The following NXPE2 variants were observed in gnomAD, a reference collection of about 807,000 sequenced individuals.
NXPE2 encodes NXPE family member 2.
NXPE2 carries 34 observed loss-of-function variants against 34.4 expected under a neutral mutation model. The observed-to-expected ratio is 0.99, with a 90% CI of 0.75 to 1.31. The LOEUF (loss-of-function observed/expected upper bound fraction) is 1.31, where lower values mean the gene tolerates loss of function less well. Among genes scored for constraint, NXPE2 ranks in the 40% most tolerant of loss-of-function variants. NXPE2 has a pLI of 0.00. For synonymous variants in NXPE2, 235 were observed against 231.3 expected, an observed-to-expected ratio of 1.02 and a Z score of -0.15; for missense variants, 649 against 672.5, an observed-to-expected ratio of 0.97 and a Z score of 0.39.
the NXPE2 span, among the ~76,000 whole-genome samples, chr11:114,545,832 G>C: frequency 1.3e-5 from 2 of 151,864 alleles, no homozygotes; most frequent in Admixed American, 6.6e-5. Flanking sequence ...GGGACTACAG[G>C]GGCACACCAC....
At chr11:114,584,623 T>C in the NXPE2 span, 1 of 157,200 alleles carries the variant, frequency 6.4e-6, no homozygotes, top group Non-Finnish European at 1.4e-5. Context: ...TGAAGAAATG[T>C]CACAGAAGAG....
At chr11:114,513,867 A>ATT in the NXPE2 span, among the ~76,000 whole-genome samples, 4 of 140,026 alleles carry the variant, frequency 2.9e-5, no homozygotes, top group African/African-American at 1.2e-4. Context: ...AAATGCAAAG[A>ATT]CTTTTTGTAA....
chr11:114,580,000 TGTGAAAAATTTTGG>T, the NXPE2 span: 1 of 730,696 alleles, frequency 1.4e-6, no homozygotes, highest in Non-Finnish European at 2.4e-6. Flanking sequence ...AACAATGCCT[TGTGAAAAATTTTGG>T]TGTGTTGTGA....
the NXPE2 span, among the ~76,000 whole-genome samples, chr11:114,784,504 T>C: frequency 6.3e-4 from 96 of 152,322 alleles, no homozygotes; most frequent in Middle Eastern, 6.8e-3. Context: ...AATCTTTATA[T>C]GGATCAGCTC....
the NXPE2 span, among the ~76,000 whole-genome samples, chr11:114,611,833 A>G: frequency 6.6e-6 from 1 of 151,912 alleles, no homozygotes; most frequent in Non-Finnish European, 1.5e-5. Flanking sequence ...GGTGGATAAT[A>G]TATATTTCCT....
chr11:114,498,825 T>G, the NXPE2 span, among the ~76,000 whole-genome samples: 1 of 152,134 alleles, frequency 6.6e-6, no homozygotes, highest in East Asian at 1.9e-4. Flanking sequence ...ATATTAATAG[T>G]GAGATTAGTT....
At chr11:114,511,849 G>T in the NXPE2 span, among the ~76,000 whole-genome samples, 1 of 152,146 alleles carries the variant, frequency 6.6e-6, no homozygotes, top group Non-Finnish European at 1.5e-5. Flanking sequence ...CATGTGACAT[G>T]CTGGGTCCTC....
At chr11:114,697,913 A>C in intron 2 of NXPE2, 132 bp from the exon 3 acceptor site, 1 of 886,116 alleles carries the variant, frequency 1.1e-6, no homozygotes. Context: ...CATAACTGAA[A>C]ACCAGTTAGT....
chr11:114,614,142 G>A, the NXPE2 span, among the ~76,000 whole-genome samples: 1 of 151,570 alleles, frequency 6.6e-6, no homozygotes, highest in Admixed American at 6.6e-5. Context: ...TGGATAATAA[G>A]TGCTGCCTCA....
the NXPE2 span, among the ~76,000 whole-genome samples, chr11:114,802,671 ACGCAGCCTTTT>A: frequency 1.3e-5 from 2 of 152,132 alleles, no homozygotes. Context: ...CACCTGTGAT[ACGCAGCCTTTT>A]GAAATTTGAG....
the NXPE2 span, among the ~76,000 whole-genome samples, chr11:114,472,949 G>A: frequency 2.0e-5 from 3 of 152,108 alleles, no homozygotes; most frequent in Non-Finnish European, 4.4e-5. Flanking sequence ...GTTCAAAGAG[G>A]TTTTTGAGCA....
the NXPE2 span, among the ~76,000 whole-genome samples, chr11:114,811,904 T>C: frequency 6.6e-6 from 1 of 152,198 alleles, no homozygotes; most frequent in Non-Finnish European, 1.5e-5. Context: ...AAACTGAGGA[T>C]AGTAATGTGT....
the NXPE2 span, among the ~76,000 whole-genome samples, chr11:114,616,353 C>T: frequency 6.6e-6 from 1 of 150,580 alleles, no homozygotes; most frequent in African/African-American, 2.5e-5. Flanking sequence ...TAAGTGTTGC[C>T]TCACGTGTAA....
the NXPE2 span, among the ~76,000 whole-genome samples, chr11:114,535,112 G>A: frequency 1.3e-5 from 2 of 152,350 alleles, no homozygotes. Flanking sequence ...CCAGAAGAGA[G>A]TGGGGACCAA....
chr11:114,585,510 C>A, the NXPE2 span, among the ~76,000 whole-genome samples: 1 of 151,444 alleles, frequency 6.6e-6, no homozygotes, highest in African/African-American at 2.4e-5. Context: ...GGATTTAAGT[C>A]AAAAACTGTA....
chr11:114,565,219 A>G, the NXPE2 span, among the ~76,000 whole-genome samples: 3 of 152,184 alleles, frequency 2.0e-5, no homozygotes, highest in Admixed American at 2.0e-4. Flanking sequence ...GGGCTTTTGC[A>G]GGCTTGATGA....
At chr11:114,629,146 G>T in the NXPE2 span, among the ~76,000 whole-genome samples, 1 of 152,100 alleles carries the variant, frequency 6.6e-6, no homozygotes, top group Non-Finnish European at 1.5e-5. Flanking sequence ...AATAGAAAAA[G>T]AGGGAACCCT....
chr11:114,684,781 G>C (rs1951014878), intron 2 of NXPE2, among the ~76,000 whole-genome samples: 1 of 152,154 alleles, frequency 6.6e-6, no homozygotes, highest in Admixed American at 6.5e-5. Flanking sequence ...GCTAATAGAA[G>C]AAAGGAGGAA....
chr11:114,615,581 G>C, the NXPE2 span, among the ~76,000 whole-genome samples: 1 of 147,906 alleles, frequency 6.8e-6, no homozygotes, highest in African/African-American at 2.6e-5. Context: ...ACCTTTACCT[G>C]GTGAATAATA....
Sources: allele counts gnomAD v4.1 joint callset (sites outside exome capture counted in the v4.1 genomes callset), GRCh38; gene constraint gnomAD v4.1.1; transcripts MANE v1.5; gene names NCBI Gene and HGNC (gene_info 2026-07-23, HGNC 2026-07-21).